The following CACNA2D3 variants were observed in gnomAD, a reference collection of about 807,000 sequenced individuals.
CACNA2D3 encodes voltage-dependent calcium channel subunit alpha-2/delta-3.
CACNA2D3 carries 60 observed loss-of-function variants against 160.6 expected under a neutral mutation model. The ratio of observed to expected loss-of-function variants is 0.37; its 90% confidence interval spans 0.30 to 0.46. CACNA2D3 has a LOEUF of 0.46. CACNA2D3 is among the 20% of genes least tolerant of loss of function. The pLI is 1.00. For synonymous variants in CACNA2D3, 558 were observed against 492.9 expected (o/e 1.13, Z -1.75); for missense variants, 1,205 against 1,365.0 (o/e 0.88, Z 1.85).
chr3:54,534,757 T>C (rs1045695674), intron 5 of CACNA2D3, among the ~76,000 whole-genome samples: 1 of 90,694 alleles, frequency 1.1e-5, no homozygotes, highest in Non-Finnish European at 2.5e-5. Flanking sequence ...ACGTTGTCTC[T>C]ACAAAAAAAA....
intron 5 of CACNA2D3, among the ~76,000 whole-genome samples, chr3:54,513,058 T>A (rs1701484821): frequency 6.6e-6 from 1 of 152,006 alleles, no homozygotes; most frequent in African/African-American, 2.4e-5. Context: ...CATGATTCAA[T>A]TTCCTCCCCC....
Position 54,246,558 on chromosome 3 carries a change from TTG to T in CACNA2D3, c.205-73883_205-73882del, listed in dbSNP as rs1399341011. On this transcript the variant is annotated intron_variant, in intron 2 of 37. Coordinates refer to ENST00000474759, the MANE Select transcript of CACNA2D3 (RefSeq NM_018398.3). ...AAATACAAAAATTAGCCGGGCGTGG[TTG>T]CGGCTGTCTGTAATCCCAGCTACTT... Among the ~76,000 whole-genome samples, 269 of 149,596 alleles carry T rather than the reference TTG, an allele frequency of 1.8e-3. 9 individuals carry two copies. In the South Asian group the frequency reaches 0.053, roughly 30 times the overall value.
chr3:54,833,018 A>G (rs1419791385), intron 14 of CACNA2D3, among the ~76,000 whole-genome samples: 1 of 152,218 alleles, frequency 6.6e-6, no homozygotes, highest in Non-Finnish European at 1.5e-5. Flanking sequence ...TAGGCCTGGC[A>G]TGGCCACGTG....
At chr3:54,917,111 G>C (rs1331558574) in intron 27 of CACNA2D3, among the ~76,000 whole-genome samples, 1 of 152,176 alleles carries the variant, frequency 6.6e-6, no homozygotes, top group African/African-American at 2.4e-5. Context: ...AGAGAGAACA[G>C]GTAGATTCCA....
At chr3:55,043,510 C>A (rs115938683) in intron 35 of CACNA2D3, among the ~76,000 whole-genome samples, 2,748 of 151,822 alleles carry the variant, frequency 0.018, 87 homozygotes, top group African/African-American at 0.063. Context: ...ACTTTGTTTT[C>A]TTTTTATTGA....
intron 27 of CACNA2D3, among the ~76,000 whole-genome samples, chr3:54,947,682 A>G (rs1455859167): frequency 1.3e-5 from 2 of 152,182 alleles, no homozygotes; most frequent in Non-Finnish European, 2.9e-5. Context: ...CATGAAAATA[A>G]GAGGTCCTGA....
chr3:54,968,653 T>A (rs1167781757), intron 28 of CACNA2D3, 142 bp downstream of exon 28: 4 of 638,486 alleles, frequency 6.3e-6, no homozygotes, highest in Non-Finnish European at 1.1e-5. Flanking sequence ...TTACCTTTCA[T>A]TTCACTGCAA....
chr3:54,549,550 C>T (rs980240697), intron 5 of CACNA2D3, among the ~76,000 whole-genome samples: 9 of 152,202 alleles, frequency 5.9e-5, no homozygotes, highest in African/African-American at 1.2e-4. Flanking sequence ...CCCTGCGTGC[C>T]GTGTCTGGGC....
intron 13 of CACNA2D3, among the ~76,000 whole-genome samples, chr3:54,800,795 A>G (rs909872950): frequency 6.6e-6 from 1 of 152,192 alleles, no homozygotes; most frequent in African/African-American, 2.4e-5. Flanking sequence ...TATGACCTTC[A>G]GTGACCAGTC....
At chr3:54,604,937 CA>C (rs1338247119) in intron 9 of CACNA2D3, among the ~76,000 whole-genome samples, 10 of 152,136 alleles carry the variant, frequency 6.6e-5, no homozygotes, top group African/African-American at 2.2e-4. Flanking sequence ...CTTAAAACAG[CA>C]GAAATGTATT....
At chr3:54,736,083 G>GTATGTATATATATATACATACATATATA (rs1701513051) in intron 11 of CACNA2D3, among the ~76,000 whole-genome samples, 1 of 34,238 alleles carries the variant, frequency 2.9e-5, no homozygotes, top group Non-Finnish European at 5.4e-5. Flanking sequence ...ACATATATAT[G>GTATGTATATATATATACATACATATATA]TATGTGTATA....
intron 18 of CACNA2D3, chr3:54,877,223 A>G (rs1699682548): frequency 6.6e-6 from 1 of 152,230 alleles, no homozygotes; most frequent in South Asian, 2.1e-4. Context: ...AAGTCAAAAC[A>G]GTTTGGAAAA....
intron 2 of CACNA2D3, among the ~76,000 whole-genome samples, chr3:54,239,743 T>C (rs993606852): frequency 2.0e-5 from 3 of 152,230 alleles, no homozygotes; most frequent in Admixed American, 1.3e-4. Flanking sequence ...TGGGTAAATA[T>C]CATGGCTTCA....
chr3:54,638,814 G>A (rs1057352766), intron 10 of CACNA2D3: 1 of 152,004 alleles, frequency 6.6e-6, no homozygotes, highest in Non-Finnish European at 1.5e-5. Flanking sequence ...TGGAACTACT[G>A]TTGAGTTTGT....
chr3:54,565,355 C>A (rs1425087183), intron 6 of CACNA2D3, among the ~76,000 whole-genome samples: 1 of 152,112 alleles, frequency 6.6e-6, no homozygotes, highest in African/African-American at 2.4e-5. Context: ...AACTCCAACT[C>A]CTGGCGTGAG....
intron 11 of CACNA2D3, among the ~76,000 whole-genome samples, chr3:54,684,765 A>G (rs1441321754): frequency 6.8e-6 from 1 of 147,602 alleles, no homozygotes; most frequent in Admixed American, 6.8e-5. Context: ...TAAAAAAAAA[A>G]TCCCATGTTA....
At chr3:54,542,518 T>TA (rs1701997915) in intron 5 of CACNA2D3, among the ~76,000 whole-genome samples, 1 of 152,132 alleles carries the variant, frequency 6.6e-6, no homozygotes, top group South Asian at 2.1e-4. Flanking sequence ...CTTCAGTCTG[T>TA]AGCCAAAGGC....
rs768725645 is a variant in CACNA2D3 at position 54,642,240 on chromosome 3, A to G, written c.1166A>G (p.Lys389Arg). 28 of 1,594,632 alleles carry G rather than the reference A, an allele frequency of 1.8e-5. No homozygotes were observed. The Middle Eastern group carries it at 6.6e-4, about 38-fold the overall frequency. The change falls in exon 11 of 38, where the codon AAG (lysine) becomes AGG (arginine). Residue 389 changes from lysine (K) to arginine (R), a missense_variant and splice_region_variant. Around this residue, in one of 3 missense-constraint regions of CACNA2D3, gnomAD observed 911 missense variants for 1,002.2 expected, o/e 0.91. Coordinates refer to ENST00000474759, the MANE Select transcript of CACNA2D3 (RefSeq NM_018398.3). ...GCAAAATACAATTGGCCAGATCGAA[A>G]GGTAAGTTGATGCTGATCCCGTCTG... ...IFAKYNWPDR[K>R]VRIFTYLIGR...
intron 11 of CACNA2D3, among the ~76,000 whole-genome samples, chr3:54,751,692 G>A (rs1290077297): frequency 6.6e-6 from 1 of 152,132 alleles, no homozygotes; most frequent in Non-Finnish European, 1.5e-5. Flanking sequence ...GGAGCTGGAA[G>A]GACATCACCT....
Sources: allele counts gnomAD v4.1 joint callset (sites outside exome capture counted in the v4.1 genomes callset), GRCh38; gene constraint gnomAD v4.1.1; regional missense constraint gnomAD v4.1.1; transcripts MANE v1.5; gene names NCBI Gene and HGNC (gene_info 2026-07-23, HGNC 2026-07-21).